CCDC3: variants seen among roughly 807,000 people sequenced by gnomAD.
The protein encoded by CCDC3 is coiled-coil domain-containing protein 3.
Under a neutral mutation model 21.4 loss-of-function variants are expected in CCDC3, and 24 were observed. The ratio of observed to expected loss-of-function variants is 1.12; its 90% CI spans 0.81 to 1.58. CCDC3 has a LOEUF of 1.58. CCDC3 is among the 40% of genes most tolerant of loss of function. The probability of loss-of-function intolerance (pLI) is 0.00; values close to 1 mark genes in which losing one functional copy is unlikely to be tolerated. For missense variants in CCDC3, 425 were observed against 360.9 expected (o/e 1.18, Z -1.44); for synonymous variants, 186 against 166.0 (o/e 1.12, Z -0.93).
intron 4 of CCDC3, chr10:13,058,440 C>T (rs773688406): frequency 1.0e-5 from 8 of 767,080 alleles, no homozygotes; most frequent in Non-Finnish European, 1.9e-5. Flanking sequence ...AGTTCGTGTG[C>T]ATATGCTGCG....
At chr10:13,019,060 C>G (rs970319163) in intron 5 of CCDC3, among the ~76,000 whole-genome samples, 2 of 151,928 alleles carry the variant, frequency 1.3e-5, no homozygotes, top group Admixed American at 1.3e-4. Context: ...GGTGAAACCC[C>G]GTCTCTACTA....
chr10:12,910,194 C>G (rs1187089874), intron 2 of CCDC3, among the ~76,000 whole-genome samples: 1 of 152,146 alleles, frequency 6.6e-6, no homozygotes. Flanking sequence ...TTGAGATAGC[C>G]CTAGAGCTGA....
intron 3 of CCDC3, among the ~76,000 whole-genome samples, chr10:13,092,659 TG>T (rs1338636130): frequency 2.0e-5 from 3 of 152,158 alleles, no homozygotes; most frequent in African/African-American, 7.2e-5. Flanking sequence ...AAGGAATGGA[TG>T]AGGTCAGGAA....
chr10:12,942,809 C>G (rs1834853239), intron 2 of CCDC3, among the ~76,000 whole-genome samples: 2 of 152,148 alleles, frequency 1.3e-5, no homozygotes, highest in Admixed American at 1.3e-4. Context: ...TTGGGAGCCC[C>G]CCTCTCTCCA....
chr10:12,936,559 T>C (rs568533607), intron 2 of CCDC3, among the ~76,000 whole-genome samples: 26 of 152,266 alleles, frequency 1.7e-4, no homozygotes, highest in Middle Eastern at 3.4e-3. Flanking sequence ...TTTTCTGAAG[T>C]TTGAACATGA....
At chr10:12,977,391 T>C (rs694915) in intron 2 of CCDC3, among the ~76,000 whole-genome samples, 4,967 of 152,280 alleles carry the variant, frequency 0.033, 263 homozygotes, top group African/African-American at 0.11. Context: ...CTAAATTTTC[T>C]CTTGGTGTCC....
At chr10:12,983,246 G>C (rs1419472565) in intron 2 of CCDC3, among the ~76,000 whole-genome samples, 1 of 149,182 alleles carries the variant, frequency 6.7e-6, no homozygotes, top group Non-Finnish European at 1.5e-5. Flanking sequence ...TAACAGTTGT[G>C]TCTCTAATCC....
chr10:12,935,616 T>G (rs1834723805), intron 2 of CCDC3, among the ~76,000 whole-genome samples: 1 of 152,224 alleles, frequency 6.6e-6, no homozygotes, highest in African/African-American at 2.4e-5. Flanking sequence ...TCAACTCTTT[T>G]TTATTGGTTG....
intron 3 of CCDC3, among the ~76,000 whole-genome samples, chr10:13,082,306 C>T (rs1837051318): frequency 6.6e-6 from 1 of 152,210 alleles, no homozygotes; most frequent in South Asian, 2.1e-4. Context: ...GCGGCCCTTC[C>T]CTGTTTGACA....
chr10:13,061,428 G>C (rs1275141741), intron 4 of CCDC3, among the ~76,000 whole-genome samples: 2 of 152,172 alleles, frequency 1.3e-5, no homozygotes, highest in African/African-American at 4.8e-5. Context: ...CATCCCCTCT[G>C]GTCTTGTGTG....
In CCDC3 at chr10:13,077,716, T is replaced by C. The variant is rs541130111; in HGVS notation, c.-502-3616A>G. Among the ~76,000 whole-genome samples the C allele has an allele frequency of 4.3e-4, 65 of 152,220 alleles. 2 individuals carry two copies. In the East Asian group the frequency reaches 9.1e-3, roughly 21 times the overall value. Reference sequence around the variant, plus strand: ...CAGAAATGATACCACACATCTACAATCATCTGATCTTTGACAAACCTGACA... The same window carrying C: ...CAGAAATGATACCACACATCTACAACCATCTGATCTTTGACAAACCTGACA... On this transcript the variant is annotated intron_variant, in intron 3 of 6. Transcript: ENST00000378839.
intron 2 of CCDC3, among the ~76,000 whole-genome samples, chr10:12,942,900 TCTC>T (rs1389008867): frequency 6.6e-6 from 1 of 152,116 alleles, no homozygotes; most frequent in Non-Finnish European, 1.5e-5. Flanking sequence ...TCGTCCTTGA[TCTC>T]CTTGGTGTGA....
intron 2 of CCDC3, among the ~76,000 whole-genome samples, chr10:12,993,402 G>T (rs574539836): frequency 1.1e-4 from 17 of 152,050 alleles, no homozygotes; most frequent in Non-Finnish European, 2.1e-4. Context: ...TTAGAGAAGG[G>T]TAACACCCCT....
At chr10:13,065,464 C>A (rs1290773809) in intron 4 of CCDC3, among the ~76,000 whole-genome samples, 1 of 152,156 alleles carries the variant, frequency 6.6e-6, no homozygotes, top group Admixed American at 6.5e-5. Context: ...ACTTCTTATT[C>A]TTTATTTCTC....
At chr10:12,900,133 C>A (rs1358399244) in intron 2 of CCDC3, among the ~76,000 whole-genome samples, 1 of 152,180 alleles carries the variant, frequency 6.6e-6, no homozygotes, top group Non-Finnish European at 1.5e-5. Context: ...TGAGACCTCC[C>A]CAGGCATGTG....
At chr10:13,074,808 A>G (rs1305672558) in intron 3 of CCDC3, among the ~76,000 whole-genome samples, 11 of 152,158 alleles carry the variant, frequency 7.2e-5, no homozygotes, top group Non-Finnish European at 1.6e-4. Flanking sequence ...ATTCCACAAT[A>G]TTACCACATT....
At chr10:13,064,784 T>C (rs547870580) in intron 4 of CCDC3, among the ~76,000 whole-genome samples, 1 of 152,056 alleles carries the variant, frequency 6.6e-6, no homozygotes, top group East Asian at 1.9e-4. Context: ...TGAGACTCTG[T>C]CTAATAAATA....
intron 2 of CCDC3, among the ~76,000 whole-genome samples, chr10:12,954,581 T>C (rs1251394880): frequency 6.6e-6 from 1 of 152,084 alleles, no homozygotes; most frequent in Non-Finnish European, 1.5e-5. Context: ...TGGCATCACA[T>C]GGTGAGAGAG....
chr10:13,080,549 A>G (rs1273898896), intron 3 of CCDC3, among the ~76,000 whole-genome samples: 1 of 152,268 alleles, frequency 6.6e-6, no homozygotes, highest in Non-Finnish European at 1.5e-5. Context: ...TTTTACCTAC[A>G]TTAAAAGGTT....
Sources: allele counts gnomAD v4.1 joint callset (sites outside exome capture counted in the v4.1 genomes callset), GRCh38; gene constraint gnomAD v4.1.1; transcripts MANE v1.5; gene names NCBI Gene and HGNC (gene_info 2026-07-23, HGNC 2026-07-21).